GSAP: variants seen among roughly 807,000 people sequenced by gnomAD.
GSAP encodes the protein gamma-secretase activating protein, also known as gamma-secretase-activating protein.
GSAP carries 118 observed loss-of-function variants against 131.7 expected under a neutral mutation model. That is an observed-to-expected ratio of 0.90 (90% confidence interval 0.77 to 1.04). The LOEUF (loss-of-function observed/expected upper bound fraction) is 1.04, where lower values mean the gene tolerates loss of function less well. GSAP is among the 50% of genes least tolerant of loss of function. The pLI is 0.00. For synonymous variants in GSAP, 381 were observed against 363.4 expected, an observed-to-expected ratio of 1.05 and a Z score of -0.55; for missense variants, 1,019 against 1,013.2, an observed-to-expected ratio of 1.01 and a Z score of -0.08.
chr7:77,393,598 GCTTGA>G (rs1583825410), intron 5 of GSAP, among the ~76,000 whole-genome samples: 1 of 151,408 alleles, frequency 6.6e-6, no homozygotes, highest in African/African-American at 2.4e-5. Flanking sequence ...AGTGAGTCAC[GCTTGA>G]CTTGTCTCTT....
intron 12 of GSAP, among the ~76,000 whole-genome samples, chr7:77,366,283 G>T (rs185783162): frequency 6.6e-6 from 1 of 152,048 alleles, no homozygotes; most frequent in Admixed American, 6.5e-5. Flanking sequence ...GATTACTTTT[G>T]ATGTCTTTGT....
chr7:77,324,826 C>CTTTTTTTTTTTTT (rs150930764), intron 23 of GSAP, among the ~76,000 whole-genome samples: 3 of 97,314 alleles, frequency 3.1e-5, no homozygotes, highest in Non-Finnish European at 1.9e-5. Flanking sequence ...GTTTGCCATA[C>CTTTTTTTTTTTTT]TTTTTTTTTT....
chr7:77,352,795 T>A, intron 18 of GSAP, 149 bp downstream of exon 18: 2 of 521,962 alleles, frequency 3.8e-6, no homozygotes, highest in Non-Finnish European at 6.9e-6. Flanking sequence ...TGCTATTACT[T>A]TTCTGCCAAA....
intron 19 of GSAP, among the ~76,000 whole-genome samples, chr7:77,344,234 G>C (rs1281141752): frequency 6.6e-6 from 1 of 152,076 alleles, no homozygotes; most frequent in East Asian, 1.9e-4. Flanking sequence ...AGTTTCTCAG[G>C]CTCTTGGTAT....
At chr7:77,378,310 C>A (rs534621904) in intron 8 of GSAP, among the ~76,000 whole-genome samples, 2 of 151,898 alleles carry the variant, frequency 1.3e-5, no homozygotes, top group African/African-American at 4.8e-5. Context: ...GGTGAAACCC[C>A]ATCTCTACTA....
intron 17 of GSAP, among the ~76,000 whole-genome samples, chr7:77,353,275 A>T (rs137904284): frequency 6.6e-6 from 1 of 152,296 alleles, no homozygotes; most frequent in East Asian, 1.9e-4. Flanking sequence ...GAAACCAGCC[A>T]ACACAAAACT....
At chr7:77,387,285 T>C in intron 6 of GSAP, 75 bp downstream of exon 6, 2 of 797,628 alleles carry the variant, frequency 2.5e-6, no homozygotes. Context: ...GTGAAAGTAC[T>C]TTGTAAACCC....
At chr7:77,362,171 T>A (rs1346516370) in intron 13 of GSAP, among the ~76,000 whole-genome samples, 1 of 152,112 alleles carries the variant, frequency 6.6e-6, no homozygotes, top group African/African-American at 2.4e-5. Context: ...TAGAATGAAC[T>A]GATAAAAATT....
intron 12 of GSAP, 82 bp downstream of exon 12, chr7:77,373,988 C>T: frequency 1.3e-6 from 1 of 757,044 alleles, no homozygotes; most frequent in Non-Finnish European, 2.3e-6. Context: ...TATTTTCAGA[C>T]TCCATATAGC....
At chr7:77,383,290 A>G (rs539000785) in intron 6 of GSAP, among the ~76,000 whole-genome samples, 1 of 151,396 alleles carries the variant, frequency 6.6e-6, no homozygotes, top group East Asian at 1.9e-4. Context: ...GAAACAATGC[A>G]AACAACATTT....
intron 13 of GSAP, among the ~76,000 whole-genome samples, chr7:77,361,245 G>A (rs972077453): frequency 1.3e-5 from 2 of 152,148 alleles, no homozygotes; most frequent in Non-Finnish European, 2.9e-5. Flanking sequence ...AAGGCTCACC[G>A]CCACACACGT....
At chr7:77,361,160 G>C (rs900689261) in intron 13 of GSAP, among the ~76,000 whole-genome samples, 1 of 152,290 alleles carries the variant, frequency 6.6e-6, no homozygotes, top group Non-Finnish European at 1.5e-5. Context: ...GTTCAGGGAG[G>C]AGAGGATCTG....
chr7:77,407,309 G>A (rs1002252945), intron 1 of GSAP, among the ~76,000 whole-genome samples: 2 of 152,118 alleles, frequency 1.3e-5, no homozygotes, highest in Admixed American at 1.3e-4. Flanking sequence ...GTTAGTGCTT[G>A]CATAACTTTC....
At chr7:77,313,132 G>A (rs1405897432) in intron 28 of GSAP, among the ~76,000 whole-genome samples, 1 of 152,196 alleles carries the variant, frequency 6.6e-6, no homozygotes, top group Non-Finnish European at 1.5e-5. Context: ...GTCCTCACCT[G>A]TATTCCAATG....
At chr7:77,338,430 A>T (rs537523766) in intron 19 of GSAP, among the ~76,000 whole-genome samples, 4 of 152,314 alleles carry the variant, frequency 2.6e-5, no homozygotes, top group Middle Eastern at 3.4e-3. Flanking sequence ...TTTCTGATTT[A>T]ACCGGTTTAT....
chr7:77,324,826 C>CTTTTTTTTT (rs150930764), intron 23 of GSAP, among the ~76,000 whole-genome samples: 1 of 97,312 alleles, frequency 1.0e-5, no homozygotes, highest in Non-Finnish European at 1.9e-5. Flanking sequence ...GTTTGCCATA[C>CTTTTTTTTT]TTTTTTTTTT....
At chr7:77,349,321 T>C (rs747214774) in intron 19 of GSAP, 30 bp downstream of exon 19, 3 of 1,512,750 alleles carry the variant, frequency 2.0e-6, no homozygotes, top group Non-Finnish European at 2.8e-6. Flanking sequence ...CATGTATCTG[T>C]ACTTTTGTTT....
Position 77,328,607 on chromosome 7 carries a change from C to G in GSAP, c.1764G>C (p.Leu588Phe). 1 of 1,611,328 alleles carries G rather than the reference C, an allele frequency of 6.2e-7. No individual in the cohort carries two copies. Among genetic ancestry groups the G allele is most frequent in the East Asian group, 2.2e-5 (1 of 44,804 alleles). Reference sequence around the variant, plus strand: ...GCTTTATTACAGATCTTTTCTTACCCAAATTTCTTGCTTCTAGGTTAGAAA... The same window carrying G: ...GCTTTATTACAGATCTTTTCTTACCGAAATTTCTTGCTTCTAGGTTAGAAA... ...KVISNLEARN[L>F]GPRLTPLLQE... is the part of the protein sequence containing the mutation. The change falls in exon 22 of 31, where the codon TTG becomes TTC. Residue 588 changes from leucine (L) to phenylalanine (F), a missense_variant and splice_region_variant. By Grantham distance (22) the Leu-to-Phe change is conservative. Transcript: ENST00000257626.
chr7:77,413,885 C>T (rs1215911819), intron 1 of GSAP, among the ~76,000 whole-genome samples: 1 of 151,592 alleles, frequency 6.6e-6, no homozygotes, highest in African/African-American at 2.4e-5. Context: ...TCATTTACAG[C>T]TACCTGTTAA....
Sources: allele counts gnomAD v4.1 joint callset (sites outside exome capture counted in the v4.1 genomes callset), GRCh38; gene constraint gnomAD v4.1.1; transcripts MANE v1.5; gene names NCBI Gene and HGNC (gene_info 2026-07-23, HGNC 2026-07-21).